Variants in RLIG1 observed in about 807,000 individuals in gnomAD.
The protein encoded by RLIG1 is RNA ligase 1.
chr12:88,043,692 C>T, the RLIG1 span: 1 of 1,611,838 alleles, frequency 6.2e-7, no homozygotes, highest in South Asian at 1.1e-5. Flanking sequence ...AACCCAGTGC[C>T]TGATGAAAAT....
At chr12:88,046,264 A>G in the RLIG1 span, among the ~76,000 whole-genome samples, 5 of 152,180 alleles carry the variant, frequency 3.3e-5, no homozygotes, top group Non-Finnish European at 5.9e-5. Context: ...AGACCTAAGG[A>G]TGCTAAAGCT....
the RLIG1 span, among the ~76,000 whole-genome samples, chr12:88,041,315 G>A: frequency 1.3e-5 from 2 of 152,138 alleles, no homozygotes; most frequent in Non-Finnish European, 2.9e-5. Flanking sequence ...TCCATTGCAT[G>A]TATCTAGCAC....
the RLIG1 span, among the ~76,000 whole-genome samples, chr12:88,038,951 A>C: frequency 6.6e-6 from 1 of 152,288 alleles, no homozygotes; most frequent in African/African-American, 2.4e-5. Context: ...GAAAAAAGTA[A>C]ATCCAGAAAC....
the RLIG1 span, chr12:88,035,537 C>A: frequency 2.4e-5 from 27 of 1,124,124 alleles, no homozygotes; most frequent in Non-Finnish European, 3.4e-5. Context: ...TGGCTGGGCG[C>A]GGAGTGTGCG....
the RLIG1 span, chr12:88,035,877 G>A: frequency 2.0e-6 from 3 of 1,507,836 alleles, no homozygotes; most frequent in Non-Finnish European, 2.6e-6. Flanking sequence ...TTTCCCTGGG[G>A]AGGTCTGGGG....
chr12:88,047,797 C>T, the RLIG1 span, among the ~76,000 whole-genome samples: 1 of 152,154 alleles, frequency 6.6e-6, no homozygotes, highest in Non-Finnish European at 1.5e-5. Flanking sequence ...CAAACACACT[C>T]ACACTGTGTT....
At chr12:88,038,409 A>G in the RLIG1 span, among the ~76,000 whole-genome samples, 2 of 152,320 alleles carry the variant, frequency 1.3e-5, no homozygotes, top group South Asian at 4.1e-4. Flanking sequence ...TCCTAAATAC[A>G]ACTTTCAAAG....
chr12:88,036,092 G>C, the RLIG1 span: 9 of 1,354,414 alleles, frequency 6.6e-6, no homozygotes. Flanking sequence ...CACAGTCCAA[G>C]CTTTACTACT....
At chr12:88,043,581 CTTT>C in the RLIG1 span, 1 of 1,522,962 alleles carries the variant, frequency 6.6e-7, no homozygotes, top group Non-Finnish European at 8.9e-7. Context: ...ACAATATTAT[CTTT>C]TTAATATTTT....
At chr12:88,035,912 C>T in the RLIG1 span, 1 of 1,508,222 alleles carries the variant, frequency 6.6e-7, no homozygotes, top group Non-Finnish European at 8.8e-7. Flanking sequence ...GCCCTGAGCT[C>T]CAGGTTCTTG....
the RLIG1 span, chr12:88,048,470 T>A: frequency 1.1e-6 from 1 of 940,424 alleles, no homozygotes; most frequent in Non-Finnish European, 1.5e-6. Flanking sequence ...TTGAATATTC[T>A]ACCATATTTA....
the RLIG1 span, chr12:88,048,193 G>A: frequency 6.3e-6 from 9 of 1,420,858 alleles, no homozygotes; most frequent in Non-Finnish European, 7.5e-6. Flanking sequence ...AATGAAGATA[G>A]TATCTGTATG....
chr12:88,035,639 T>C, the RLIG1 span: 2 of 1,598,990 alleles, frequency 1.3e-6, no homozygotes, highest in Non-Finnish European at 1.7e-6. Context: ...CACTGCTTGT[T>C]GGGCTCATCA....
the RLIG1 span, among the ~76,000 whole-genome samples, chr12:88,038,530 CT>C: frequency 6.6e-6 from 1 of 152,238 alleles, no homozygotes; most frequent in East Asian, 1.9e-4. Context: ...GGCAATTTTT[CT>C]TTTGCCATCT....
chr12:88,042,845 C>T, the RLIG1 span: 5 of 1,519,648 alleles, frequency 3.3e-6, no homozygotes, highest in East Asian at 2.6e-5. Context: ...CCTTTGGGCT[C>T]GACTAGATAG....
the RLIG1 span, chr12:88,035,842 C>T: frequency 2.6e-6 from 4 of 1,534,914 alleles, no homozygotes; most frequent in Non-Finnish European, 3.5e-6. Context: ...TTAGAACTGC[C>T]CTGCAGGCCA....
chr12:88,036,216 A>C, the RLIG1 span: 1 of 491,170 alleles, frequency 2.0e-6, no homozygotes, highest in South Asian at 1.9e-5. Context: ...TTCACACCTC[A>C]TATTACCAGT....
chr12:88,049,133 A>AACTT, the RLIG1 span: 20 of 1,101,108 alleles, frequency 1.8e-5, no homozygotes, highest in Middle Eastern at 3.1e-4. Flanking sequence ...AAGTATATTT[A>AACTT]ACTTATAAAG....
the RLIG1 span, chr12:88,045,307 T>G: frequency 6.5e-6 from 2 of 306,270 alleles, no homozygotes; most frequent in Non-Finnish European, 1.2e-5. Flanking sequence ...AGAATAATGT[T>G]CAGTTCTTAA....
Sources: gnomAD v4.1 joint callset for allele counts (sites outside exome capture counted in the v4.1 genomes callset) on GRCh38, gnomAD v4.1.1 for gene constraint, MANE v1.5 for transcripts, NCBI Gene and HGNC (gene_info 2026-07-23, HGNC 2026-07-21) for gene names.